Variants in PLEKHG3 observed in about 807,000 individuals in gnomAD.
PLEKHG3 encodes pleckstrin homology and RhoGEF domain containing G3.
PLEKHG3 carries 62 observed loss-of-function variants against 94.9 expected under a neutral mutation model. That is an observed-to-expected ratio of 0.65 (90% CI 0.53 to 0.81). The LOEUF is 0.81. Among genes scored for constraint, PLEKHG3 ranks in the 30% least tolerant of loss-of-function variants. The pLI, the probability that PLEKHG3 is intolerant of heterozygous loss-of-function variation, is 0.00. For synonymous variants in PLEKHG3, 614 were observed against 654.0 expected, an observed-to-expected ratio of 0.94 and a Z score of 0.93; for missense variants, 1,461 against 1,619.3, an observed-to-expected ratio of 0.90 and a Z score of 1.68.
chr14:64,724,163 G>T (rs2081313127), intron 1 of PLEKHG3, among the ~76,000 whole-genome samples: 1 of 152,056 alleles, frequency 6.6e-6, no homozygotes, highest in Non-Finnish European at 1.5e-5. Flanking sequence ...CTCTGTGGGA[G>T]TCTGAGCTAC....
intron 16 of PLEKHG3, 89 bp downstream of exon 16, chr14:64,742,544 C>G: frequency 1.0e-6 from 1 of 964,432 alleles, no homozygotes; most frequent in Non-Finnish European, 1.5e-6. Context: ...GGAAAGTGAC[C>G]TCTAAGGAGG....
In PLEKHG3 at chr14:64,750,007, C is replaced by G. The variant is rs2081920154; in HGVS notation, c.*6304C>G. ...TCAGCTTAAAGACGTGCTTCTTCTT[C>G]TTGTAGTTGGCAGCAATCTCACAGA... On this transcript the variant is annotated 3_prime_UTR_variant, in exon 17 of 17. Coordinates refer to ENST00000247226, the MANE Select transcript of PLEKHG3 (RefSeq NM_001308147.2). The G allele has an allele frequency of 6.2e-7, 1 of 1,614,218 alleles. No homozygotes were observed. The highest frequency in any genetic ancestry group is 8.5e-7 in the Non-Finnish European group (1 of 1,180,032).
Position 64,720,805 on chromosome 14 carries a change from A to G in PLEKHG3, c.-39-6788A>G, listed in dbSNP as rs2081249947. On this transcript the variant is annotated intron_variant, in intron 1 of 16. Coordinates refer to ENST00000247226, the MANE Select transcript of PLEKHG3 (RefSeq NM_001308147.2). This position sits in a 1 kb window ranked among gnomAD's most constrained non-coding sequence, Gnocchi z 4.1. ...GGGTTCCTTCTGCAGGATCCAGGGC[A>G]GAATTTGTTTCCTTGCTCTTCCTAG... Among the ~76,000 whole-genome samples, 1 of 152,218 alleles carries G rather than the reference A, an allele frequency of 6.6e-6. No homozygotes were observed. Among genetic ancestry groups the G allele is most frequent in the South Asian group, 2.1e-4 (1 of 4,830 alleles).
rs756499287 is a variant in PLEKHG3 at position 64,743,058 on chromosome 14, C to T, written c.3015C>T (p.Ser1005=). 6.2e-7 allele frequency: 1 copy of T among 1,613,026 alleles called. No homozygotes were observed. The highest frequency in any genetic ancestry group is 1.7e-5 in the Admixed American group (1 of 60,012). Residue 1005 remains serine, a synonymous_variant, in exon 17 of 17, where the codon TCC becomes TCT. Coordinates refer to ENST00000247226, the MANE Select transcript of PLEKHG3 (RefSeq NM_001308147.2). The surrounding 1 kb of genome is among the most constrained non-coding windows in gnomAD (Gnocchi z 7.2). Reference sequence around the variant, plus strand: ...AGGAGCACAGCCCTCCCAAGCCCTCCTCGGCTGGGGAGATGTCACCACAGC... The same window carrying T: ...AGGAGCACAGCCCTCCCAAGCCCTCTTCGGCTGGGGAGATGTCACCACAGC... The part of the protein sequence containing the change: ...MAQEHSPPKP[S]SAGEMSPQRF...
chr14:64,740,962 A>C, intron 15 of PLEKHG3, 74 bp from the exon 16 acceptor site: 1 of 1,282,516 alleles, frequency 7.8e-7, no homozygotes, highest in Non-Finnish European at 1.1e-6. Flanking sequence ...TGAGCAGGCC[A>C]TGCTGTCCCC....
chr14:64,731,484 A>C lies in PLEKHG3; in HGVS notation c.973A>C (p.Lys325Gln), dbSNP rs956804313. The C allele has an allele frequency of 3.1e-6, 5 of 1,614,128 alleles. No individual in the cohort carries two copies. Among genetic ancestry groups the C allele is most frequent in the African/African-American group, 2.7e-5 (2 of 75,020 alleles). The stretch of plus-strand genomic sequence containing the variant: ...TGAAAGGACCTTTTTCCTCTTTGAC[A>C]AAACACTGCTTATCACCAAGAAGCG... ...RNERTFFLFD[K>Q]TLLITKKRGD... Residue 325 changes from lysine to glutamine, a missense_variant, in exon 8 of 17, where the codon AAA (lysine) becomes CAA (glutamine). Lys to Gln is a moderately conservative substitution (Grantham distance 53). Around this residue, in one of 3 missense-constraint regions of PLEKHG3, gnomAD observed 1,201 missense variants for 1,295.5 expected, o/e 0.93. Coordinates refer to ENST00000247226, the MANE Select transcript of PLEKHG3 (RefSeq NM_001308147.2). The surrounding 1 kb of genome is among the most constrained non-coding windows in gnomAD (Gnocchi z 6.1).
chr14:64,714,726 G>T (rs1442282749), intron 1 of PLEKHG3, among the ~76,000 whole-genome samples: 45 of 152,172 alleles, frequency 3.0e-4, no homozygotes, highest in Admixed American at 2.9e-3. Flanking sequence ...GAGAGGAGGT[G>T]AACAGCTTGG....
Position 64,738,023 on chromosome 14 carries a change from C to G in PLEKHG3, c.1404+648C>G, listed in dbSNP as rs2081608984. On this transcript the variant is annotated intron_variant, in intron 14 of 16. Transcript: ENST00000247226. The surrounding 1 kb of genome is among the most constrained non-coding windows in gnomAD (Gnocchi z 4.8). ...AGGAGGAAGAGCAGGCCTTTCAGGT[C>G]TCTCTGGAGGACCTGACAGGGCATG... The G allele has an allele frequency of 7.8e-7, 1 of 1,281,934 alleles. No individual in the cohort carries two copies. Among genetic ancestry groups the G allele is most frequent in the Non-Finnish European group, 1.0e-6 (1 of 986,144 alleles). 79.4% of individuals were successfully genotyped at this position (1,281,934 alleles called of 1,614,324 possible). A position where few individuals can be genotyped will look rare whatever the true frequency, so the allele number is the denominator to read the frequency against.
chr14:64,727,934 C>T lies in PLEKHG3; in HGVS notation c.303C>T (p.Ile101=), dbSNP rs142685355. The T allele has an allele frequency of 8.6e-5, 138 of 1,606,812 alleles. No individual in the cohort carries two copies. In the African/African-American group the frequency reaches 9.3e-4, roughly 11 times the overall value. Residue 101 remains isoleucine (I), a synonymous_variant, in exon 2 of 17, where the codon ATC becomes ATT. Coordinates refer to ENST00000247226, the MANE Select transcript of PLEKHG3 (RefSeq NM_001308147.2). The surrounding 1 kb of genome is among the most constrained non-coding windows in gnomAD (Gnocchi z 6.0). ...LSYLGRVVRE[I]VETERMYVQD... is the part of the protein sequence containing the mutation. ...ACCTGGGCCGAGTGGTGCGGGAGAT[C>T]GTGGAGACAGAGCGCATGTACGTAC...
Position 64,749,143 on chromosome 14 carries a change from C to G in PLEKHG3, c.*5440C>G, listed in dbSNP as rs773243167. The G allele has an allele frequency of 6.5e-6, 5 of 769,448 alleles. No individual in the cohort carries two copies. Among genetic ancestry groups the G allele is most frequent in the Non-Finnish European group, 1.0e-5 (5 of 501,600 alleles). The allele number at this position is 769,448 out of a possible 1,614,324, so 47.7% of individuals were successfully genotyped here. Reference sequence around the variant, plus strand: ...ATGGAGGGGGCGTCGGCCCAGGACACGCGGGCGAAGGCAGCTTTTGCAGTG... The same window carrying G: ...ATGGAGGGGGCGTCGGCCCAGGACAGGCGGGCGAAGGCAGCTTTTGCAGTG... On this transcript the variant is annotated 3_prime_UTR_variant, in exon 17 of 17. Coordinates refer to ENST00000247226, the MANE Select transcript of PLEKHG3 (RefSeq NM_001308147.2). This position sits in a 1 kb window ranked among gnomAD's most constrained non-coding sequence, Gnocchi z 4.7.
chr14:64,744,686 T>A lies in PLEKHG3; in HGVS notation c.*983T>A, dbSNP rs1419377124. 1.3e-5 allele frequency: 2 copies of A among 152,008 alleles called. No individual in the cohort carries two copies. Among genetic ancestry groups the A allele is most frequent in the Non-Finnish European group, 2.9e-5 (2 of 68,026 alleles). 9.4% of individuals were successfully genotyped at this position (152,008 alleles called of 1,614,324 possible). ...AAGGGAGGTGGTGAGGTGGATAGACTGTTTTTCTCATAAGCAGATGCTCCC... is the reference window on the plus strand; with the variant it reads ...AAGGGAGGTGGTGAGGTGGATAGACAGTTTTTCTCATAAGCAGATGCTCCC... On this transcript the variant is annotated 3_prime_UTR_variant, in exon 17 of 17. Transcript: ENST00000247226.
Position 64,749,285 on chromosome 14 carries a change from C to A in PLEKHG3, c.*5582C>A. ...CGGTCTCTGCGCGTCCCGACTCCGCCGCGCCCGCCAGCCCCACCTGCTACT... is the reference window on the plus strand; with the variant it reads ...CGGTCTCTGCGCGTCCCGACTCCGCAGCGCCCGCCAGCCCCACCTGCTACT... On this transcript the variant is annotated 3_prime_UTR_variant, in exon 17 of 17. Transcript: ENST00000247226. This position sits in a 1 kb window ranked among gnomAD's most constrained non-coding sequence, Gnocchi z 4.7. The A allele has an allele frequency of 6.4e-7, 1 of 1,562,070 alleles. No homozygotes were observed. Among genetic ancestry groups the A allele is most frequent in the South Asian group, 1.2e-5 (1 of 86,292 alleles).
rs1206213498 is a variant in PLEKHG3 at position 64,728,530 on chromosome 14, G to C, written c.352-466G>C. Among the ~76,000 whole-genome samples the C allele has an allele frequency of 1.3e-5, 2 of 152,244 alleles. No homozygotes were observed. Among genetic ancestry groups the C allele is most frequent in the Non-Finnish European group, 2.9e-5 (2 of 68,038 alleles). On this transcript the variant is annotated intron_variant, in intron 2 of 16. Coordinates refer to ENST00000247226, the MANE Select transcript of PLEKHG3 (RefSeq NM_001308147.2). The surrounding 1 kb of genome is among the most constrained non-coding windows in gnomAD (Gnocchi z 5.9). ...AAATGTGTTCTCACTCAGTTCAGGAGGCCAGAAGTCCAAAAATCAATGTGT... is the reference window on the plus strand; with the variant it reads ...AAATGTGTTCTCACTCAGTTCAGGACGCCAGAAGTCCAAAAATCAATGTGT...
chr14:64,742,578 C>T, intron 16 of PLEKHG3, 123 bp downstream of exon 16: 1 of 722,714 alleles, frequency 1.4e-6, no homozygotes. Context: ...AGAAGCTGGA[C>T]CCTGGGCACT....
chr14:64,743,188 G>A lies in PLEKHG3; in HGVS notation c.3145G>A (p.Asp1049Asn), dbSNP rs777484347. ...LSPTETFSWP[D>N]VRELCSKYAS... Reference sequence around the variant, plus strand: ...CCCCACAGAGACCTTCAGCTGGCCCGACGTCCGTGAGCTCTGCTCCAAGTA... The same window carrying A: ...CCCCACAGAGACCTTCAGCTGGCCCAACGTCCGTGAGCTCTGCTCCAAGTA... The change falls in exon 17 of 17, where the codon GAC becomes AAC. Residue 1049 changes from aspartate to asparagine, a missense_variant. Coordinates refer to ENST00000247226, the MANE Select transcript of PLEKHG3 (RefSeq NM_001308147.2). The surrounding 1 kb of genome is among the most constrained non-coding windows in gnomAD (Gnocchi z 7.2). The A allele has an allele frequency of 8.1e-6, 13 of 1,610,262 alleles. No homozygotes were observed. The highest frequency in any genetic ancestry group is 5.0e-5 in the Admixed American group (3 of 59,986).
intron 12 of PLEKHG3, among the ~76,000 whole-genome samples, chr14:64,734,696 C>A (rs1028973491): frequency 7.2e-6 from 1 of 139,560 alleles, no homozygotes; most frequent in Non-Finnish European, 1.6e-5. Context: ...TTATGAAATT[C>A]CCTCCCTCCC....
In PLEKHG3 at chr14:64,732,656, C is replaced by G; in HGVS notation, c.1247-147C>G. Reference sequence around the variant, plus strand: ...GCGGTGGGACTCTCAGTGCCTGAAGCTCCCAGCTGGAAGATGGAGGGAGCT... The same window carrying G: ...GCGGTGGGACTCTCAGTGCCTGAAGGTCCCAGCTGGAAGATGGAGGGAGCT... On this transcript the variant is annotated intron_variant, in intron 11 of 16. Coordinates refer to ENST00000247226, the MANE Select transcript of PLEKHG3 (RefSeq NM_001308147.2). This position sits in a 1 kb window ranked among gnomAD's most constrained non-coding sequence, Gnocchi z 4.9. The G allele has an allele frequency of 1.3e-6, 1 of 742,500 alleles. No individual in the cohort carries two copies. The allele number at this position is 742,500 out of a possible 1,614,324, so 46.0% of individuals were successfully genotyped here.
chr14:64,742,907 G>C, intron 16 of PLEKHG3, 75 bp from the exon 17 acceptor site: 1 of 1,471,012 alleles, frequency 6.8e-7, no homozygotes, highest in Non-Finnish European at 9.4e-7. Flanking sequence ...AAGTGAGTTG[G>C]GGCCTGCTCA....
rs2081163809 is a variant in PLEKHG3 at position 64,716,511 on chromosome 14, ACACACACACAC to A, written c.-39-11081_-39-11071del. On this transcript the variant is annotated intron_variant, in intron 1 of 16. Coordinates refer to ENST00000247226, the MANE Select transcript of PLEKHG3 (RefSeq NM_001308147.2). This position sits in a 1 kb window ranked among gnomAD's most constrained non-coding sequence, Gnocchi z 5.0. ...ACACACACACAACACACACACACAC[ACACACACACAC>A]ACACACACACACACACACACACACA... 2.3e-5 allele frequency among the ~76,000 whole-genome samples: 3 copies of A among 132,130 alleles called. No individual in the cohort carries two copies. Among genetic ancestry groups the A allele is most frequent in the East Asian group, 2.1e-4 (1 of 4,670 alleles). The allele number at this position is 132,130 out of a possible 152,430, so 86.7% of individuals were successfully genotyped here.
Sources: allele counts gnomAD v4.1 joint callset (sites outside exome capture counted in the v4.1 genomes callset), GRCh38; gene constraint gnomAD v4.1.1; regional missense constraint gnomAD v4.1.1; non-coding constraint Gnocchi (gnomAD v3.1); transcripts MANE v1.5; gene names NCBI Gene and HGNC (gene_info 2026-07-23, HGNC 2026-07-21).